CCSER1: variants seen among roughly 807,000 people sequenced by gnomAD.
The protein encoded by CCSER1 is serine-rich coiled-coil domain-containing protein 1.
A neutral mutation model predicts 82.0 loss-of-function variants in CCSER1; 41 were observed. The ratio of observed to expected loss-of-function variants is 0.50; its 90% CI spans 0.39 to 0.65. The LOEUF (loss-of-function observed/expected upper bound fraction) is 0.65, where lower values mean the gene tolerates loss of function less well. Among genes scored for constraint, CCSER1 ranks in the 30% least tolerant of loss-of-function variants. CCSER1 has a pLI of 0.00. For synonymous variants in CCSER1, 414 were observed against 383.9 expected (o/e 1.08, Z -0.92); for missense variants, 1,119 against 1,064.2 (o/e 1.05, Z -0.72).
chr4:91,064,891 A>C (rs1720642071), intron 9 of CCSER1, among the ~76,000 whole-genome samples: 1 of 152,240 alleles, frequency 6.6e-6, no homozygotes, highest in African/African-American at 2.4e-5. Context: ...CAATAAGAGA[A>C]GGAGCACCAA....
chr4:91,468,884 A>G (rs571989930), intron 10 of CCSER1, among the ~76,000 whole-genome samples: 1 of 152,230 alleles, frequency 6.6e-6, no homozygotes, highest in East Asian at 1.9e-4. Context: ...CATTGGTGAT[A>G]CTAAGGCTAT....
chr4:90,310,905 C>G (rs1444593322), intron 2 of CCSER1, among the ~76,000 whole-genome samples: 1 of 152,026 alleles, frequency 6.6e-6, no homozygotes, highest in South Asian at 2.1e-4. Flanking sequence ...GATACAAGAT[C>G]ACTTTTATGC....
intron 10 of CCSER1, among the ~76,000 whole-genome samples, chr4:91,479,970 C>T (rs1757809001): frequency 7.4e-6 from 1 of 134,488 alleles, no homozygotes; most frequent in Non-Finnish European, 1.6e-5. Flanking sequence ...TCAATTCCCA[C>T]CTATGAGTGA....
chr4:91,439,293 C>T (rs1487891074), intron 10 of CCSER1, among the ~76,000 whole-genome samples: 14 of 152,142 alleles, frequency 9.2e-5, no homozygotes, highest in Non-Finnish European at 1.9e-4. Context: ...TCGGCAGAAA[C>T]TCTACAAGCC....
chr4:91,284,307 T>C (rs1287757955), intron 10 of CCSER1, among the ~76,000 whole-genome samples: 2 of 152,118 alleles, frequency 1.3e-5, no homozygotes, highest in Non-Finnish European at 2.9e-5. Context: ...AAGAAATACT[T>C]CTTCTAGTGA....
chr4:90,763,637 G>A (rs1256423993), intron 7 of CCSER1, among the ~76,000 whole-genome samples: 3 of 152,040 alleles, frequency 2.0e-5, no homozygotes, highest in Admixed American at 1.3e-4. Context: ...GGCTCTGCCC[G>A]TTTATGTCCC....
intron 1 of CCSER1, among the ~76,000 whole-genome samples, chr4:90,139,150 GC>G (rs1244816541): frequency 2.0e-5 from 3 of 152,016 alleles, no homozygotes; most frequent in Non-Finnish European, 4.4e-5. Flanking sequence ...TCACATCATT[GC>G]CCTAAGTTTC....
At chr4:90,590,516 G>A (rs1782560484) in intron 5 of CCSER1, among the ~76,000 whole-genome samples, 2 of 151,810 alleles carry the variant, frequency 1.3e-5, no homozygotes, top group South Asian at 4.2e-4. Context: ...GGAGGCAGAG[G>A]TTGCAAAGAG....
At chr4:90,273,428 AATT>A (rs1726962451) in intron 1 of CCSER1, among the ~76,000 whole-genome samples, 1 of 152,174 alleles carries the variant, frequency 6.6e-6, no homozygotes, top group Non-Finnish European at 1.5e-5. Context: ...GCCCTGATGT[AATT>A]ATTATACATT....
At position 90,432,589 on chromosome 4, in the gene CCSER1, C is replaced by CTCTTTCTT. The variant is rs756767875; in HGVS notation, c.1603+32472_1603+32479dup. Among the ~76,000 whole-genome samples, 3 of 151,378 alleles carry CTCTTTCTT rather than the reference C, an allele frequency of 2.0e-5. No individual in the cohort carries two copies. The Admixed American group carries it at 2.0e-4, about 10-fold the overall frequency. On this transcript the variant is annotated intron_variant, in intron 4 of 10. Transcript: ENST00000509176. ...TTCCTTCCTTCTTTCCTCTCTCTCT[C>CTCTTTCTT]TCTTTCTTTCTTTCTTTCTCTCTTT... is the stretch of plus-strand genomic sequence containing the variant.
At chr4:91,340,953 C>T (rs1419070309) in intron 10 of CCSER1, among the ~76,000 whole-genome samples, 1 of 152,130 alleles carries the variant, frequency 6.6e-6, no homozygotes, top group African/African-American at 2.4e-5. Flanking sequence ...GATCTATTGG[C>T]CTAGTTTCAA....
intron 4 of CCSER1, among the ~76,000 whole-genome samples, chr4:90,466,636 G>T (rs748203272): frequency 6.6e-6 from 1 of 152,132 alleles, no homozygotes; most frequent in Non-Finnish European, 1.5e-5. Flanking sequence ...TCCTAAGTTT[G>T]TGTTAATTTT....
intron 6 of CCSER1, among the ~76,000 whole-genome samples, chr4:90,722,879 C>G (rs1223429184): frequency 1.3e-5 from 2 of 151,894 alleles, no homozygotes; most frequent in African/African-American, 4.8e-5. Context: ...TAGAAAGTCT[C>G]TAAGAATAAG....
rs142589747 is a variant in CCSER1, at chr4:91,471,986, AG to A, written c.2218-126585del. 2.0e-4 allele frequency among the ~76,000 whole-genome samples: 27 copies of A among 136,050 alleles called. 1 individual carries two copies. The South Asian group carries it at 3.4e-3, about 17-fold the overall frequency. 89.3% of individuals were successfully genotyped at this position (136,050 alleles called of 152,430 possible). A position where few individuals can be genotyped will look rare whatever the true frequency, so the allele number is the denominator to read the frequency against. On this transcript the variant is annotated intron_variant, in intron 10 of 10. Coordinates refer to ENST00000509176, the MANE Select transcript of CCSER1 (RefSeq NM_001145065.2). Reference sequence around the variant, plus strand: ...CTCCATCTCAAAAAAAAAAAAAAAAAGAAAAAAAAGAAAAAAACTAAAGATT... The same window carrying A: ...CTCCATCTCAAAAAAAAAAAAAAAAAAAAAAAAAGAAAAAAACTAAAGATT...
chr4:91,229,183 G>C (rs2149112163), intron 10 of CCSER1, among the ~76,000 whole-genome samples: 1 of 151,244 alleles, frequency 6.6e-6, no homozygotes, highest in African/African-American at 2.4e-5. Flanking sequence ...AAAACCTTGT[G>C]TTTTACAGGC....
At chr4:90,303,308 T>C (rs1222366827) in intron 1 of CCSER1, among the ~76,000 whole-genome samples, 1 of 152,062 alleles carries the variant, frequency 6.6e-6, no homozygotes, top group African/African-American at 2.4e-5. Context: ...TACTTTAAAG[T>C]TCATATGGAA....
chr4:90,430,017 G>A (rs1349544784), intron 4 of CCSER1, among the ~76,000 whole-genome samples: 5 of 151,780 alleles, frequency 3.3e-5, no homozygotes, highest in Middle Eastern at 6.8e-3. Context: ...CCTGATGTTC[G>A]TAGAATATAC....
chr4:90,248,612 A>G (rs1384022304), intron 1 of CCSER1, among the ~76,000 whole-genome samples: 2 of 152,160 alleles, frequency 1.3e-5, no homozygotes, highest in Non-Finnish European at 2.9e-5. Flanking sequence ...CTTCTCTGCT[A>G]CATCTTGTAT....
chr4:91,457,046 G>A (rs1225792887), intron 10 of CCSER1, among the ~76,000 whole-genome samples: 1 of 152,008 alleles, frequency 6.6e-6, no homozygotes, highest in African/African-American at 2.4e-5. Context: ...AGCATTGAAA[G>A]GAACATACAA....
Sources: gnomAD v4.1 joint callset for allele counts (sites outside exome capture counted in the v4.1 genomes callset) on GRCh38, gnomAD v4.1.1 for gene constraint, MANE v1.5 for transcripts, NCBI Gene and HGNC (gene_info 2026-07-23, HGNC 2026-07-21) for gene names.